Variants in RP1 observed in about 807,000 individuals in gnomAD.
RP1 encodes RP1 axonemal microtubule associated.
RP1 carries 16 observed loss-of-function variants against 14.8 expected under a neutral mutation model. The ratio of observed to expected loss-of-function variants is 1.08; its 90% CI spans 0.73 to 1.65. The LOEUF (loss-of-function observed/expected upper bound fraction) is 1.65. Among genes scored for constraint, RP1 ranks in the 40% most tolerant of loss-of-function variants. The probability of loss-of-function intolerance (pLI) is 0.00; values close to 1 mark genes in which losing one functional copy is unlikely to be tolerated. For missense variants in RP1, 2,631 were observed against 2,535.0 expected, an observed-to-expected ratio of 1.04 and a Z score of -0.81; for synonymous variants, 876 against 883.6, an observed-to-expected ratio of 0.99 and a Z score of 0.15.
chr8:54,787,705 T>C (rs996337864), intron 24 of RP1, among the ~76,000 whole-genome samples: 27 of 152,336 alleles, frequency 1.8e-4, no homozygotes, highest in African/African-American at 6.0e-4. Context: ...TGAAGTCAAT[T>C]AATTTTGTAG....
At chr8:54,857,049 G>C in exon 27 of RP1, 4 of 1,202,730 alleles carry the variant, frequency 3.3e-6, no homozygotes, top group Non-Finnish European at 4.2e-6. Context: ...TTCCATTAAG[G>C]CTGTATCTCT....
chr8:54,833,839 T>G (rs1402714419), intron 24 of RP1, among the ~76,000 whole-genome samples: 1 of 152,040 alleles, frequency 6.6e-6, no homozygotes, highest in Non-Finnish European at 1.5e-5. Flanking sequence ...CAGATACTTA[T>G]AAGGAGACTG....
chr8:54,641,880 A>G (rs1806460901), intron 3 of RP1, among the ~76,000 whole-genome samples: 1 of 152,236 alleles, frequency 6.6e-6, no homozygotes, highest in Non-Finnish European at 1.5e-5. Context: ...TAACTTATCT[A>G]AAATCAAGTT....
chr8:54,661,078 C>T (rs1438616477), intron 6 of RP1, among the ~76,000 whole-genome samples: 3 of 150,940 alleles, frequency 2.0e-5, no homozygotes, highest in Admixed American at 2.0e-4. Flanking sequence ...CTTTGGGAGG[C>T]TAAGTCAGGT....
chr8:54,850,015 T>G (rs1585745731), intron 25 of RP1, among the ~76,000 whole-genome samples: 1 of 152,200 alleles, frequency 6.6e-6, no homozygotes. Context: ...CTTTGTCATA[T>G]AAGGTTTTCA....
intron 12 of RP1, among the ~76,000 whole-genome samples, chr8:54,691,539 G>A (rs1045708864): frequency 2.0e-5 from 3 of 152,036 alleles, no homozygotes; most frequent in Admixed American, 6.6e-5. Flanking sequence ...GATGCTGAGC[G>A]AGAGATGAGT....
At chr8:54,869,993 C>A in exon 29 of RP1, 1 of 851,728 alleles carries the variant, frequency 1.2e-6, no homozygotes, top group Non-Finnish European at 1.6e-6. Flanking sequence ...GGCTATTGAT[C>A]TGATTGTGAT....
chr8:54,689,133 A>G (rs1358530122), intron 12 of RP1, among the ~76,000 whole-genome samples: 1 of 151,916 alleles, frequency 6.6e-6, no homozygotes, highest in Non-Finnish European at 1.5e-5. Flanking sequence ...TGATGTATAG[A>G]AATGCTTGTG....
intron 25 of RP1, among the ~76,000 whole-genome samples, chr8:54,846,666 C>A (rs1811927131): frequency 6.6e-6 from 1 of 152,188 alleles, no homozygotes; most frequent in African/African-American, 2.4e-5. Context: ...AATTTAGTCT[C>A]TTTTGGTCTA....
At chr8:54,686,489 C>T (rs572092600) in intron 12 of RP1, among the ~76,000 whole-genome samples, 1 of 151,658 alleles carries the variant, frequency 6.6e-6, no homozygotes, top group East Asian at 1.9e-4. Context: ...GTACCCATTT[C>T]TCTGAGTTCT....
chr8:54,841,523 A>G (rs1320957219), intron 25 of RP1, among the ~76,000 whole-genome samples: 1 of 152,158 alleles, frequency 6.6e-6, no homozygotes, highest in Non-Finnish European at 1.5e-5. Context: ...TCAAAAGAAA[A>G]GTGTTTTGAG....
At chr8:54,760,418 A>G (rs73679610) in intron 22 of RP1, among the ~76,000 whole-genome samples, 9,957 of 152,002 alleles carry the variant, frequency 0.066, 1,023 homozygotes, top group African/African-American at 0.22. Context: ...TTCTTCTCTC[A>G]TGTCTCCTTT....
chr8:54,620,053 G>T (rs1805818187), intron 1 of RP1, among the ~76,000 whole-genome samples: 1 of 152,012 alleles, frequency 6.6e-6, no homozygotes, highest in Non-Finnish European at 1.5e-5. Context: ...TTTTTAAATT[G>T]TGCAATAATA....
At chr8:54,621,699 G>T (rs1217705924) in intron 2 of RP1, 118 bp downstream of exon 2, 1 of 1,432,278 alleles carries the variant, frequency 7.0e-7, no homozygotes, top group Non-Finnish European at 9.7e-7. Context: ...CCCTGCCTGT[G>T]TATGTGAGTG....
chr8:54,726,521 AT>A, intron 17 of RP1: 2 of 1,500,214 alleles, frequency 1.3e-6, no homozygotes, highest in Non-Finnish European at 1.8e-6. Flanking sequence ...TGTTTGCTGC[AT>A]TATTTCTTCC....
chr8:54,776,143 ATGGGAGGATGTGCATAGGTTATATGC>A (rs1468741748), intron 23 of RP1, among the ~76,000 whole-genome samples: 1 of 152,216 alleles, frequency 6.6e-6, no homozygotes, highest in Non-Finnish European at 1.5e-5. Context: ...TTTAATGTAT[ATGGGAGGATGTGCATAGGTTATATGC>A]AAATATTGTG....
chr8:54,607,449 C>T (rs1043332752), intron 1 of RP1, among the ~76,000 whole-genome samples: 1 of 152,166 alleles, frequency 6.6e-6, no homozygotes, highest in Admixed American at 6.5e-5. Context: ...TGTCAGTCTG[C>T]CCCTACTGGG....
chr8:54,726,263 G>T (rs1289778282), intron 16 of RP1: 2 of 1,394,856 alleles, frequency 1.4e-6, no homozygotes, highest in Non-Finnish European at 9.3e-7. Context: ...AATTAAACTT[G>T]CATAGCTGAA....
intron 16 of RP1, among the ~76,000 whole-genome samples, chr8:54,722,572 G>C (rs902563319): frequency 2.0e-5 from 3 of 152,076 alleles, no homozygotes; most frequent in Non-Finnish European, 4.4e-5. Context: ...ATGATAGATT[G>C]AGCCTACACT....
Sources: allele counts gnomAD v4.1 joint callset (sites outside exome capture counted in the v4.1 genomes callset), GRCh38; gene constraint gnomAD v4.1.1; transcripts MANE v1.5; gene names NCBI Gene and HGNC (gene_info 2026-07-23, HGNC 2026-07-21).